The following LRRN2 variants were observed in gnomAD, a reference collection of about 807,000 sequenced individuals.
LRRN2 encodes leucine-rich repeat neuronal protein 2.
In LRRN2, 10 loss-of-function variants were observed where a neutral mutation model predicts 35.7. The ratio of observed to expected loss-of-function variants is 0.28; its 90% CI spans 0.17 to 0.47. LRRN2 has a LOEUF of 0.47. LRRN2 is among the 20% of genes least tolerant of loss of function. LRRN2 has a pLI of 0.99. For synonymous variants in LRRN2, 391 were observed against 409.6 expected, an observed-to-expected ratio of 0.95 and a Z score of 0.55; for missense variants, 731 against 940.3, an observed-to-expected ratio of 0.78 and a Z score of 2.91.
intron 1 of LRRN2, among the ~76,000 whole-genome samples, chr1:204,651,364 A>AGACTT (rs1209919314): frequency 7.6e-4 from 116 of 152,356 alleles, no homozygotes; most frequent in African/African-American, 2.2e-3. Flanking sequence ...CTTCTGGCCG[A>AGACTT]CAGAGCTGTG....
chr1:204,617,782 C>T lies in LRRN2; in HGVS notation c.*69G>A. On this transcript the variant is annotated 3_prime_UTR_variant, in exon 2 of 2. Transcript: ENST00000367177. Reference sequence around the variant, plus strand: ...GTCCCTTTCCTGGCAGGGCATCTGGCCCAGACTGCTTCTCTTTTGGTAAAA... The same window carrying T: ...GTCCCTTTCCTGGCAGGGCATCTGGTCCAGACTGCTTCTCTTTTGGTAAAA... 6.4e-7 allele frequency: 1 copy of T among 1,562,608 alleles called. No homozygotes were observed. The highest frequency in any genetic ancestry group is 8.8e-7 in the Non-Finnish European group (1 of 1,137,672).
chr1:204,652,543 A>G (rs1439202905), intron 1 of LRRN2, among the ~76,000 whole-genome samples: 1 of 151,954 alleles, frequency 6.6e-6, no homozygotes, highest in Non-Finnish European at 1.5e-5. Flanking sequence ...AATAATGCCT[A>G]CTTTGCAGGG....
intron 1 of LRRN2, among the ~76,000 whole-genome samples, chr1:204,643,847 C>G (rs749128482): frequency 1.3e-5 from 2 of 152,160 alleles, no homozygotes; most frequent in Admixed American, 6.5e-5. Flanking sequence ...AAGAACAAAG[C>G]CTTTAGAATG....
chr1:204,674,932 C>A (rs916155912), intron 1 of LRRN2, among the ~76,000 whole-genome samples: 2 of 152,214 alleles, frequency 1.3e-5, no homozygotes, highest in African/African-American at 2.4e-5. Context: ...TTTATATGCA[C>A]ACGTTTGTTG....
intron 1 of LRRN2, among the ~76,000 whole-genome samples, chr1:204,643,072 T>C (rs11240235): frequency 0.54 from 82,423 of 151,996 alleles, 23,651 homozygotes; most frequent in East Asian, 0.68. Flanking sequence ...CTCACTTTGG[T>C]CAGTGCTTCA....
At chr1:204,681,899 T>G (rs2102247157) in intron 1 of LRRN2, among the ~76,000 whole-genome samples, 1 of 152,362 alleles carries the variant, frequency 6.6e-6, no homozygotes, top group Admixed American at 6.5e-5. Flanking sequence ...TTCATTTTTG[T>G]CAAAAGTGTT....
chr1:204,684,334 G>T (rs1669019158), intron 1 of LRRN2, among the ~76,000 whole-genome samples: 2 of 152,126 alleles, frequency 1.3e-5, no homozygotes, highest in African/African-American at 2.4e-5. Context: ...AGCTGCGTTG[G>T]CTCCAACAGA....
intron 1 of LRRN2, among the ~76,000 whole-genome samples, chr1:204,661,536 G>C (rs1313062068): frequency 6.6e-6 from 1 of 152,234 alleles, no homozygotes; most frequent in African/African-American, 2.4e-5. Flanking sequence ...CTGGAATCTA[G>C]TTGATCTGAA....
chr1:204,643,638 C>CGG (rs1192117219), intron 1 of LRRN2, among the ~76,000 whole-genome samples: 2 of 152,012 alleles, frequency 1.3e-5, no homozygotes, highest in Non-Finnish European at 2.9e-5. Flanking sequence ...AATCCAGAGG[C>CGG]GGTGATGGAG....
chr1:204,676,958 G>A (rs1230662215), intron 1 of LRRN2, among the ~76,000 whole-genome samples: 1 of 152,170 alleles, frequency 6.6e-6, no homozygotes, highest in Non-Finnish European at 1.5e-5. Context: ...TTCCTCAACT[G>A]CAAAATGGGG....
chr1:204,647,395 T>C (rs1464789191), intron 1 of LRRN2, among the ~76,000 whole-genome samples: 1 of 152,188 alleles, frequency 6.6e-6, no homozygotes, highest in African/African-American at 2.4e-5. Context: ...CACTCTGACA[T>C]TTCCAAATGA....
intron 1 of LRRN2, among the ~76,000 whole-genome samples, chr1:204,675,456 T>G (rs952378474): frequency 1.2e-4 from 19 of 152,222 alleles, no homozygotes; most frequent in Non-Finnish European, 2.4e-4. Context: ...TTCCTGGACT[T>G]TCCCAGCTTC....
intron 1 of LRRN2, among the ~76,000 whole-genome samples, chr1:204,657,366 A>ACACACG (rs1417346759): frequency 6.6e-6 from 1 of 151,758 alleles, no homozygotes; most frequent in Non-Finnish European, 1.5e-5. Flanking sequence ...ACACACACAC[A>ACACACG]CGCATATATA....
intron 1 of LRRN2, among the ~76,000 whole-genome samples, chr1:204,657,021 T>A (rs961651690): frequency 1.3e-5 from 2 of 152,122 alleles, no homozygotes; most frequent in South Asian, 4.1e-4. Flanking sequence ...ATATGGTATA[T>A]CTGACAGGCG....
intron 1 of LRRN2, among the ~76,000 whole-genome samples, chr1:204,636,128 G>A (rs893327086): frequency 2.0e-5 from 3 of 152,170 alleles, no homozygotes; most frequent in East Asian, 3.9e-4. Context: ...CACGAGCATC[G>A]TCATCTCCTC....
chr1:204,684,771 G>A (rs929326124), intron 1 of LRRN2, among the ~76,000 whole-genome samples: 3 of 152,134 alleles, frequency 2.0e-5, no homozygotes, highest in East Asian at 1.9e-4. Flanking sequence ...CGGCCCGGGA[G>A]GAGCCTAGCT....
chr1:204,647,297 T>C (rs1177463026), intron 1 of LRRN2, among the ~76,000 whole-genome samples: 2 of 152,206 alleles, frequency 1.3e-5, no homozygotes, highest in Non-Finnish European at 2.9e-5. Flanking sequence ...TTGCAAAAGA[T>C]GCATTCCACA....
At chr1:204,679,678 C>T (rs1224911594) in intron 1 of LRRN2, among the ~76,000 whole-genome samples, 3 of 152,248 alleles carry the variant, frequency 2.0e-5, no homozygotes, top group Non-Finnish European at 4.4e-5. Context: ...CATCTCTCTC[C>T]ACCTTATCTG....
At chr1:204,654,911 C>G (rs183233498) in intron 1 of LRRN2, among the ~76,000 whole-genome samples, 2 of 152,228 alleles carry the variant, frequency 1.3e-5, no homozygotes, top group East Asian at 1.9e-4. Context: ...TTGCCACCCC[C>G]CCAGCACAAC....
Sources: gnomAD v4.1 joint callset for allele counts (sites outside exome capture counted in the v4.1 genomes callset) on GRCh38, gnomAD v4.1.1 for gene constraint, MANE v1.5 for transcripts, NCBI Gene and HGNC (gene_info 2026-07-23, HGNC 2026-07-21) for gene names.